The following MBD5 variants were observed in gnomAD, a reference collection of about 807,000 sequenced individuals.
MBD5 encodes methyl-CpG binding domain protein 5, also known as methyl-CpG-binding domain protein 5.
A neutral mutation model predicts 117.3 loss-of-function variants in MBD5; 13 were observed. The observed-to-expected ratio is 0.11, with a 90% confidence interval of 0.07 to 0.18. The LOEUF (loss-of-function observed/expected upper bound fraction) is 0.18, where lower values mean the gene tolerates loss of function less well. MBD5 is among the 10% of genes least tolerant of loss of function. The pLI, the probability that MBD5 is intolerant of heterozygous loss-of-function variation, is 1.00. For missense variants in MBD5, 1,879 were observed against 2,093.8 expected (o/e 0.90, Z 2.00); for synonymous variants, 727 against 766.4 (o/e 0.95, Z 0.85).
At chr2:148,286,687 A>G (rs1701375984) in intron 3 of MBD5, among the ~76,000 whole-genome samples, 1 of 152,198 alleles carries the variant, frequency 6.6e-6, no homozygotes, top group Non-Finnish European at 1.5e-5. Flanking sequence ...CATCTTTAAG[A>G]AGCAAAATTA....
intron 4 of MBD5, among the ~76,000 whole-genome samples, chr2:148,391,013 T>C (rs1704557039): frequency 6.6e-6 from 1 of 152,192 alleles, no homozygotes. Flanking sequence ...CTATATAGGA[T>C]AGGAATGATT....
chr2:148,145,946 G>A (rs1697448324), intron 1 of MBD5, among the ~76,000 whole-genome samples: 1 of 152,126 alleles, frequency 6.6e-6, no homozygotes, highest in Admixed American at 6.6e-5. Flanking sequence ...TTTGGTATCA[G>A]GATGATGTTG....
chr2:148,110,498 G>A (rs908296722), intron 1 of MBD5, among the ~76,000 whole-genome samples: 1 of 152,076 alleles, frequency 6.6e-6, no homozygotes, highest in East Asian at 1.9e-4. Flanking sequence ...GTGCATCAGA[G>A]CTCCCCTGTT....
At chr2:148,023,544 G>C (rs1693823325) in intron 1 of MBD5, among the ~76,000 whole-genome samples, 1 of 152,126 alleles carries the variant, frequency 6.6e-6, no homozygotes, top group South Asian at 2.1e-4. Context: ...CCAAGTTCAA[G>C]TTTTTCTCCC....
Position 148,399,240 on chromosome 2 carries a change from G to A in MBD5, c.-557+56904G>A, listed in dbSNP as rs185040245. Reference sequence around the variant, plus strand: ...TGGCGTTGAATCTATAAATTACCTTGGGCAGTATGTCCATTTTCACGATAT... The same window carrying A: ...TGGCGTTGAATCTATAAATTACCTTAGGCAGTATGTCCATTTTCACGATAT... On this transcript the variant is annotated intron_variant, in intron 4 of 13. Transcript: ENST00000642680. 5.1e-4 allele frequency among the ~76,000 whole-genome samples: 78 copies of A among 152,210 alleles called. No homozygotes were observed. In the East Asian group the frequency reaches 0.011, roughly 21 times the overall value.
chr2:148,060,593 G>C (rs1253579671), intron 1 of MBD5, among the ~76,000 whole-genome samples: 1 of 152,068 alleles, frequency 6.6e-6, no homozygotes, highest in Non-Finnish European at 1.5e-5. Flanking sequence ...ATATTTACTT[G>C]TTTTTAGTAT....
intron 1 of MBD5, among the ~76,000 whole-genome samples, chr2:148,051,444 T>G (rs1170579002): frequency 6.6e-6 from 1 of 151,734 alleles, no homozygotes; most frequent in Non-Finnish European, 1.5e-5. Flanking sequence ...CTGGCTGGAA[T>G]GCTTAGTACA....
intron 13 of MBD5, chr2:148,512,217 A>G (rs1024805728): frequency 2.5e-5 from 4 of 159,672 alleles, no homozygotes; most frequent in African/African-American, 9.6e-5. Context: ...TCTGATGAAC[A>G]GCACTAAATG....
At chr2:148,223,830 T>G (rs1699751288) in intron 2 of MBD5, among the ~76,000 whole-genome samples, 1 of 152,126 alleles carries the variant, frequency 6.6e-6, no homozygotes, top group African/African-American at 2.4e-5. Context: ...CTATTTGAAG[T>G]TTTTCTTCTT....
chr2:148,430,938 T>C (rs1300932055), intron 4 of MBD5, among the ~76,000 whole-genome samples: 1 of 152,294 alleles, frequency 6.6e-6, no homozygotes, highest in East Asian at 1.9e-4. Context: ...AAATTACTTA[T>C]AATTAAACAT....
chr2:148,195,522 G>C (rs1448589534), intron 2 of MBD5, among the ~76,000 whole-genome samples: 1 of 152,012 alleles, frequency 6.6e-6, no homozygotes, highest in Non-Finnish European at 1.5e-5. Context: ...TAAGAAAATA[G>C]AAACCTTCAA....
At chr2:148,036,461 TCTTA>T (rs964249180) in intron 1 of MBD5, among the ~76,000 whole-genome samples, 23 of 152,300 alleles carry the variant, frequency 1.5e-4, no homozygotes, top group Admixed American at 1.4e-3. Flanking sequence ...GGATATATCC[TCTTA>T]CTTAAGGTTG....
chr2:148,196,813 T>G (rs1208176013), intron 2 of MBD5, among the ~76,000 whole-genome samples: 1 of 152,138 alleles, frequency 6.6e-6, no homozygotes, highest in Non-Finnish European at 1.5e-5. Context: ...AAGTAGGCTC[T>G]TTTATAAGCA....
chr2:148,485,607 AG>A (rs1170527950), intron 9 of MBD5, 134 bp from the exon 10 acceptor site: 1 of 693,222 alleles, frequency 1.4e-6, no homozygotes, highest in Non-Finnish European at 2.5e-6. Context: ...TAAGACTTTG[AG>A]AAGTAAAAAA....
chr2:148,479,422 G>A (rs1293068040), intron 8 of MBD5, among the ~76,000 whole-genome samples: 1 of 152,092 alleles, frequency 6.6e-6, no homozygotes, highest in East Asian at 1.9e-4. Flanking sequence ...TTGAGTGCAA[G>A]TTTTATGATT....
At chr2:148,249,502 AC>A (rs1700416499) in intron 3 of MBD5, among the ~76,000 whole-genome samples, 1 of 151,982 alleles carries the variant, frequency 6.6e-6, no homozygotes, top group South Asian at 2.1e-4. Context: ...CTTTTTCTCT[AC>A]CCCCACACAA....
At chr2:148,168,623 A>C (rs958692793) in intron 1 of MBD5, among the ~76,000 whole-genome samples, 1 of 152,160 alleles carries the variant, frequency 6.6e-6, no homozygotes, top group Non-Finnish European at 1.5e-5. Context: ...ACACACCTGG[A>C]GTCCAAGCTA....
At chr2:148,022,213 G>A (rs1046887090) in intron 1 of MBD5, among the ~76,000 whole-genome samples, 4 of 152,138 alleles carry the variant, frequency 2.6e-5, no homozygotes, top group Non-Finnish European at 5.9e-5. Context: ...TTCAGTGTTG[G>A]AAGACTTGAT....
chr2:148,029,028 A>G (rs1397519247), intron 1 of MBD5, among the ~76,000 whole-genome samples: 3 of 152,120 alleles, frequency 2.0e-5, no homozygotes, highest in Non-Finnish European at 4.4e-5. Flanking sequence ...ACTGTTTATA[A>G]CATTCAAACT....
Sources: gnomAD v4.1 joint callset for allele counts (sites outside exome capture counted in the v4.1 genomes callset) on GRCh38, gnomAD v4.1.1 for gene constraint, MANE v1.5 for transcripts, NCBI Gene and HGNC (gene_info 2026-07-23, HGNC 2026-07-21) for gene names.